Variants in AFG1L observed in about 807,000 individuals in gnomAD.
AFG1L encodes the protein AFG1-like ATPase.
A neutral mutation model predicts 62.2 loss-of-function variants in AFG1L; 53 were observed. The observed-to-expected ratio is 0.85, with a 90% confidence interval of 0.68 to 1.07. The LOEUF (loss-of-function observed/expected upper bound fraction) is 1.07. Ranked by LOEUF, AFG1L falls within the 50% of genes least tolerant of loss-of-function variation. The pLI is 0.00. For missense variants in AFG1L, 555 were observed against 590.5 expected, an observed-to-expected ratio of 0.94 and a Z score of 0.62; for synonymous variants, 228 against 210.3, an observed-to-expected ratio of 1.08 and a Z score of -0.73.
intron 8 of AFG1L, among the ~76,000 whole-genome samples, chr6:108,467,378 T>G (rs1247675737): frequency 6.6e-6 from 1 of 152,012 alleles, no homozygotes; most frequent in African/African-American, 2.4e-5. Context: ...GCCAAGTAGC[T>G]GGGATTACAG....
chr6:108,411,817 G>C (rs1286331021), intron 7 of AFG1L, among the ~76,000 whole-genome samples: 1 of 152,242 alleles, frequency 6.6e-6, no homozygotes, highest in Non-Finnish European at 1.5e-5. Context: ...AACCAGAGCA[G>C]AGAAGCTGAA....
intron 6 of AFG1L, among the ~76,000 whole-genome samples, chr6:108,391,473 ATTAT>A (rs1361291785): frequency 2.0e-5 from 3 of 150,820 alleles, no homozygotes; most frequent in African/African-American, 7.4e-5. Context: ...TTTTGATGGG[ATTAT>A]TTATTTTTTT....
intron 2 of AFG1L, among the ~76,000 whole-genome samples, chr6:108,337,780 C>T (rs1010459976): frequency 3.3e-5 from 5 of 152,010 alleles, no homozygotes; most frequent in East Asian, 1.9e-4. Context: ...CAAAAAATTC[C>T]GAAGCTAAAT....
chr6:108,326,976 G>T (rs985555294), intron 2 of AFG1L, among the ~76,000 whole-genome samples: 5 of 152,040 alleles, frequency 3.3e-5, no homozygotes, highest in Admixed American at 3.3e-4. Flanking sequence ...GGCCAGGTGT[G>T]GTGGCTGAAC....
intron 7 of AFG1L, among the ~76,000 whole-genome samples, chr6:108,431,978 A>T (rs1482478916): frequency 6.7e-6 from 1 of 148,954 alleles, no homozygotes; most frequent in Non-Finnish European, 1.5e-5. Context: ...GAGACCCTAC[A>T]ACTCTCTGTG....
At chr6:108,398,640 G>A (rs1044336598) in intron 6 of AFG1L, among the ~76,000 whole-genome samples, 1 of 152,116 alleles carries the variant, frequency 6.6e-6, no homozygotes, top group Non-Finnish European at 1.5e-5. Flanking sequence ...AGGTGAGATA[G>A]GGGTCTAGTC....
At chr6:108,376,733 T>C (rs1780263635) in intron 6 of AFG1L, among the ~76,000 whole-genome samples, 1 of 152,206 alleles carries the variant, frequency 6.6e-6, no homozygotes, top group Admixed American at 6.5e-5. Context: ...GAGAAGAATG[T>C]ATATTTGTGG....
intron 7 of AFG1L, among the ~76,000 whole-genome samples, chr6:108,416,386 AC>A (rs1256472209): frequency 6.6e-6 from 1 of 152,246 alleles, no homozygotes; most frequent in Non-Finnish European, 1.5e-5. Flanking sequence ...AGGATCTAGA[AC>A]TAGAAATACC....
At position 108,396,126 on chromosome 6, in the gene AFG1L, G is replaced by A. The variant is rs146366341; in HGVS notation, c.749-5870G>A. ...ACTCCTGGGCTCAAGTGATCCTCCC[G>A]ACTTGGCCTCTCAAAGTGCTGAGAT... On this transcript the variant is annotated intron_variant, in intron 6 of 12. Transcript: ENST00000368977. Among the ~76,000 whole-genome samples the A allele has an allele frequency of 8.0e-3, 1,206 of 151,202 alleles. 9 individuals carry two copies. Among genetic ancestry groups the A allele is most frequent in the Non-Finnish European group, 0.01 (685 of 67,836 alleles).
intron 7 of AFG1L, among the ~76,000 whole-genome samples, chr6:108,426,864 C>T (rs1474001547): frequency 1.3e-5 from 2 of 152,192 alleles, no homozygotes; most frequent in Non-Finnish European, 2.9e-5. Context: ...CTCATTCCTA[C>T]TTCCCTCCCC....
chr6:108,390,699 A>G (rs569418373), intron 6 of AFG1L, among the ~76,000 whole-genome samples: 1 of 152,280 alleles, frequency 6.6e-6, no homozygotes, highest in African/African-American at 2.4e-5. Context: ...TGAACAGCAA[A>G]TGTTGCTGCA....
intron 6 of AFG1L, among the ~76,000 whole-genome samples, chr6:108,387,252 G>T (rs1426948272): frequency 6.6e-6 from 1 of 152,236 alleles, no homozygotes; most frequent in Non-Finnish European, 1.5e-5. Flanking sequence ...TTCTGAGGTG[G>T]ATGGGGAGTT....
At chr6:108,321,902 G>C (rs1777824313) in intron 1 of AFG1L, among the ~76,000 whole-genome samples, 1 of 152,094 alleles carries the variant, frequency 6.6e-6, no homozygotes, top group Non-Finnish European at 1.5e-5. Flanking sequence ...TTCTTTTGGA[G>C]AGAGAGTCTC....
chr6:108,458,660 T>C (rs1317240425), intron 8 of AFG1L, among the ~76,000 whole-genome samples: 2 of 152,162 alleles, frequency 1.3e-5, no homozygotes, highest in Non-Finnish European at 2.9e-5. Context: ...TGCCTTCCTC[T>C]ACCTTATTGA....
intron 6 of AFG1L, among the ~76,000 whole-genome samples, chr6:108,391,318 C>T (rs1322878971): frequency 6.6e-6 from 1 of 152,064 alleles, no homozygotes; most frequent in African/African-American, 2.4e-5. Context: ...TTGATTATGG[C>T]CATTCTTGCA....
chr6:108,367,948 C>CT (rs925169088), intron 6 of AFG1L, among the ~76,000 whole-genome samples: 3 of 151,150 alleles, frequency 2.0e-5, no homozygotes, highest in East Asian at 1.9e-4. Context: ...ATAGTGGGAA[C>CT]TTTTTTTTTA....
At chr6:108,317,847 G>A (rs1582580689) in intron 1 of AFG1L, among the ~76,000 whole-genome samples, 2 of 152,110 alleles carry the variant, frequency 1.3e-5, no homozygotes, top group East Asian at 3.9e-4. Flanking sequence ...GAAGCAAGGT[G>A]GAGTCAACTA....
chr6:108,333,305 A>G (rs1778349631), intron 2 of AFG1L, among the ~76,000 whole-genome samples: 1 of 152,066 alleles, frequency 6.6e-6, no homozygotes. Flanking sequence ...AGGTACTCAG[A>G]AGGCTGAGGC....
chr6:108,394,533 G>T (rs1781207814), intron 6 of AFG1L, among the ~76,000 whole-genome samples: 1 of 151,992 alleles, frequency 6.6e-6, no homozygotes, highest in Admixed American at 6.6e-5. Context: ...CTATAGATTT[G>T]TTTGCATTTT....
Sources: allele counts gnomAD v4.1 joint callset (sites outside exome capture counted in the v4.1 genomes callset), GRCh38; gene constraint gnomAD v4.1.1; transcripts MANE v1.5; gene names NCBI Gene and HGNC (gene_info 2026-07-23, HGNC 2026-07-21).